The following TMEM161A variants were observed in gnomAD, a reference collection of about 807,000 sequenced individuals.
TMEM161A encodes the protein transmembrane protein 161A, also known as adaptive response to oxidative stress protein 29.
TMEM161A carries 46 observed loss-of-function variants against 57.1 expected under a neutral mutation model. The ratio of observed to expected loss-of-function variants is 0.81; its 90% CI spans 0.64 to 1.03. TMEM161A has a LOEUF of 1.03. Ranked by LOEUF, TMEM161A falls within the 50% of genes least tolerant of loss-of-function variation. TMEM161A has a pLI of 0.00. For missense variants in TMEM161A, 601 were observed against 621.5 expected, an observed-to-expected ratio of 0.97 and a Z score of 0.35; for synonymous variants, 288 against 279.0, an observed-to-expected ratio of 1.03 and a Z score of -0.32.
At chr19:19,127,080 A>G (rs1192693921) in intron 6 of TMEM161A, among the ~76,000 whole-genome samples, 1 of 152,040 alleles carries the variant, frequency 6.6e-6, no homozygotes, top group Admixed American at 6.6e-5. Context: ...CAGCTGCTGT[A>G]TAAAACAGTA....
chr19:19,124,826 G>A (rs933203894), intron 6 of TMEM161A, among the ~76,000 whole-genome samples: 2 of 151,950 alleles, frequency 1.3e-5, no homozygotes, highest in African/African-American at 4.8e-5. Context: ...GTGGTGGCGT[G>A]CACCTGTAAT....
At chr19:19,130,007 C>G in intron 6 of TMEM161A, 149 bp downstream of exon 6, 1 of 820,524 alleles carries the variant, frequency 1.2e-6, no homozygotes, top group African/African-American at 1.7e-5. Context: ...GGTTCAGGAG[C>G]TGAGATGGTC....
In TMEM161A at chr19:19,120,783, G is replaced by A. The variant is rs2059905423; in HGVS notation, c.1168C>T (p.Leu390Phe). Reference protein sequence around the residue: ...TPLILTLNCTLLLKTLGGYSW... With the variant: ...TPLILTLNCTFLLKTLGGYSW... Reference sequence around the variant, plus strand: ...ATCTCACCCAGCGTCTTGAGCAGAAGTGTGCAGTTGAGGGTGAGGATGAGC... The same window carrying A: ...ATCTCACCCAGCGTCTTGAGCAGAAATGTGCAGTTGAGGGTGAGGATGAGC... Residue 390 changes from leucine (L) to phenylalanine (F), a missense_variant, in exon 11 of 12, where the codon CTT (leucine) becomes TTT (phenylalanine). Transcript: ENST00000162044. 1.9e-6 allele frequency: 3 copies of A among 1,613,338 alleles called. No homozygotes were observed. Among genetic ancestry groups the A allele is most frequent in the African/African-American group, 1.3e-5 (1 of 74,912 alleles).
Position 19,121,538 on chromosome 19 carries a change from T to C in TMEM161A, c.787A>G (p.Arg263Gly). The change falls in exon 8 of 12, where the codon AGA (arginine) becomes GGA (glycine). Residue 263 changes from arginine (R) to glycine (G), a missense_variant. Transcript: ENST00000162044. The surrounding 1 kb of genome is among the most constrained non-coding windows in gnomAD (Gnocchi z 5.8). ...HRDALTMSED[R>G]PMLQFLLHTS... ...GACCCACTTAACTGCAGCATGGGTC[T>C]GTCCTCCGACATGGTCAGTGCGTCC... The C allele has an allele frequency of 6.2e-7, 1 of 1,613,928 alleles. No homozygotes were observed. Among genetic ancestry groups the C allele is most frequent in the African/African-American group, 1.3e-5 (1 of 75,024 alleles).
intron 6 of TMEM161A, among the ~76,000 whole-genome samples, chr19:19,122,799 G>T (rs935749442): frequency 4.7e-5 from 7 of 148,128 alleles, no homozygotes; most frequent in African/African-American, 1.7e-4. Flanking sequence ...AAATTCATAT[G>T]AGCTCACAGG....
At chr19:19,136,314 C>T (rs554039986) in intron 1 of TMEM161A, among the ~76,000 whole-genome samples, 4 of 152,116 alleles carry the variant, frequency 2.6e-5, no homozygotes, top group East Asian at 1.9e-4. Flanking sequence ...TAAATTTAGT[C>T]GGAAAAACCC....
Position 19,121,423 on chromosome 19 carries a change from T to TG in TMEM161A, c.801-3dup. On this transcript the variant is annotated splice_polypyrimidine_tract_variant and splice_region_variant and intron_variant, in intron 8 of 11. Transcript: ENST00000162044. This position sits in a 1 kb window ranked among gnomAD's most constrained non-coding sequence, Gnocchi z 5.8. Reference sequence around the variant, plus strand: ...AGGAAGCTGGTGTGCAGGAGGAACCTGGGGGGTGAGGGCAGGAGGGAGTGA... The same window carrying TG: ...AGGAAGCTGGTGTGCAGGAGGAACCTGGGGGGGTGAGGGCAGGAGGGAGTGA... 1.9e-6 allele frequency: 3 copies of TG among 1,613,828 alleles called. No homozygotes were observed. The highest frequency in any genetic ancestry group is 1.7e-6 in the Non-Finnish European group (2 of 1,179,802).
chr19:19,131,741 G>A (rs1201032546), intron 5 of TMEM161A, among the ~76,000 whole-genome samples: 1 of 152,084 alleles, frequency 6.6e-6, no homozygotes, highest in Non-Finnish European at 1.5e-5. Flanking sequence ...GGTCAGGCTG[G>A]TCTTGAACTC....
intron 1 of TMEM161A, among the ~76,000 whole-genome samples, chr19:19,135,909 G>C (rs1898478546): frequency 6.6e-6 from 1 of 151,770 alleles, no homozygotes; most frequent in Non-Finnish European, 1.5e-5. Flanking sequence ...ATGGGGTCTT[G>C]CTATGTTGTC....
chr19:19,128,202 T>C (rs928034137), intron 6 of TMEM161A, among the ~76,000 whole-genome samples: 2 of 150,194 alleles, frequency 1.3e-5, no homozygotes, highest in African/African-American at 4.9e-5. Flanking sequence ...TGGACGGTGG[T>C]GATGGTTGCA....
chr19:19,138,370 C>T (rs1285792744), intron 1 of TMEM161A, 56 bp downstream of exon 1: 1 of 1,581,846 alleles, frequency 6.3e-7, no homozygotes, highest in East Asian at 2.3e-5. Context: ...TCCCTGGACC[C>T]CTTCGGCTGG....
rs148467110 is a variant in TMEM161A, at chr19:19,124,010, C to T, written c.596-2191G>A. ...TGGAGGTTGCAGTGAGCCGAGATTG[C>T]GCCACTGCACTCCAGCCTGGCCAAC... is the stretch of plus-strand genomic sequence containing the variant. On this transcript the variant is annotated intron_variant, in intron 6 of 11. Coordinates refer to ENST00000162044, the MANE Select transcript of TMEM161A (RefSeq NM_017814.3). Among the ~76,000 whole-genome samples the T allele has an allele frequency of 1.4e-3, 206 of 151,468 alleles. 2 individuals are homozygous for T. The highest frequency in any genetic ancestry group is 2.2e-3 in the Admixed American group (34 of 15,194).
In TMEM161A at chr19:19,119,192, C is replaced by A. The variant is rs1235171974; in HGVS notation, c.*738G>T. ...TTGAGACAGAGTTTCACTCTGTCAC[C>A]CAGGCTGGAGTGTGATGCGATCTCG... On this transcript the variant is annotated 3_prime_UTR_variant, in exon 12 of 12. Coordinates refer to ENST00000162044, the MANE Select transcript of TMEM161A (RefSeq NM_017814.3). 1.3e-5 allele frequency: 2 copies of A among 150,756 alleles called. No homozygotes were observed. The highest frequency in any genetic ancestry group is 4.9e-5 in the African/African-American group (2 of 40,850). The allele number at this position is 150,756 out of a possible 1,614,324, so 9.3% of individuals were successfully genotyped here.
chr19:19,120,255 G>C, intron 11 of TMEM161A, 72 bp from the exon 12 acceptor site: 5 of 1,297,536 alleles, frequency 3.9e-6, no homozygotes, highest in Non-Finnish European at 5.2e-6. Context: ...GCTGGCACGG[G>C]GGGCCAGGCC....
At position 19,120,174 on chromosome 19, in the gene TMEM161A, G is replaced by A; in HGVS notation, c.1196C>T (p.Ser399Phe). ...TAGAGGAGCTGGGCCCAGGCCCCAG[G>A]AATAGCCTCCTAGGAGAAGAGGATG... ...TLLLKTLGGY[S>F]WGLGPAPLLS... The change falls in exon 12 of 12, where the codon TCC (serine) becomes TTC (phenylalanine). Residue 399 changes from serine (S) to phenylalanine (F), a missense_variant. Coordinates refer to ENST00000162044, the MANE Select transcript of TMEM161A (RefSeq NM_017814.3). The A allele has an allele frequency of 1.3e-6, 2 of 1,550,178 alleles. No individual in the cohort carries two copies. Among genetic ancestry groups the A allele is most frequent in the South Asian group, 1.2e-5 (1 of 84,344 alleles).
Position 19,120,032 on chromosome 19 carries a change from G to C in TMEM161A, c.1338C>G (p.Phe446Leu). ...GALGGLLTPLFLRGVLAYLIW... is the reference protein window; with the variant it reads ...GALGGLLTPLLLRGVLAYLIW... ...TGAGGTAGGCCAGGACGCCACGGAG[G>C]AAGAGGGGAGTAAGCAGGCCACCCA... Residue 446 changes from phenylalanine (F) to leucine (L), a missense_variant, in exon 12 of 12, where the codon TTC becomes TTG. Physicochemically the swap from Phe to Leu is conservative, Grantham distance 22. Coordinates refer to ENST00000162044, the MANE Select transcript of TMEM161A (RefSeq NM_017814.3). 6.2e-7 allele frequency: 1 copy of C among 1,600,782 alleles called. No homozygotes were observed. Among genetic ancestry groups the C allele is most frequent in the Non-Finnish European group, 8.5e-7 (1 of 1,174,450 alleles).
intron 1 of TMEM161A, among the ~76,000 whole-genome samples, chr19:19,137,317 A>G (rs1445944012): frequency 6.6e-6 from 1 of 151,982 alleles, no homozygotes; most frequent in South Asian, 2.1e-4. Flanking sequence ...TGGGCTCTTC[A>G]TCAATGACCC....
In TMEM161A at chr19:19,137,563, A is replaced by G. The variant is rs369652119; in HGVS notation, c.3+863T>C. On this transcript the variant is annotated intron_variant, in intron 1 of 11. Coordinates refer to ENST00000162044, the MANE Select transcript of TMEM161A (RefSeq NM_017814.3). The stretch of plus-strand genomic sequence containing the variant: ...GAACTCAAGAACCCTGATAAAATCA[A>G]TGCAGCCTCCCTCCTCATTCCCGGG... Among the ~76,000 whole-genome samples the G allele has an allele frequency of 7.2e-5, 11 of 152,232 alleles. 1 individual carries two copies. The highest frequency in any genetic ancestry group is 7.2e-4 in the Admixed American group (11 of 15,290).
At chr19:19,120,696 G>C in intron 11 of TMEM161A, 69 bp downstream of exon 11, 14 of 1,043,542 alleles carry the variant, frequency 1.3e-5, no homozygotes, top group East Asian at 3.5e-5. Flanking sequence ...GTCCCCGCCA[G>C]AGTCCACCTC....
Sources: gnomAD v4.1 joint callset for allele counts (sites outside exome capture counted in the v4.1 genomes callset) on GRCh38, gnomAD v4.1.1 for gene constraint, Gnocchi (gnomAD v3.1) non-coding constraint, MANE v1.5 for transcripts, NCBI Gene and HGNC (gene_info 2026-07-23, HGNC 2026-07-21) for gene names.